The following NUDCD3 variants were observed in gnomAD, a reference collection of about 807,000 sequenced individuals.
The protein encoded by NUDCD3 is NudC domain containing 3.
NUDCD3 carries 13 observed loss-of-function variants against 39.7 expected under a neutral mutation model. The ratio of observed to expected loss-of-function variants is 0.33; its 90% confidence interval spans 0.21 to 0.52. The LOEUF (loss-of-function observed/expected upper bound fraction) is 0.52. Ranked by LOEUF, NUDCD3 falls within the 20% of genes least tolerant of loss-of-function variation. The pLI is 0.96. For missense variants in NUDCD3, 453 were observed against 458.1 expected (o/e 0.99, Z 0.10); for synonymous variants, 175 against 172.4 (o/e 1.02, Z -0.12).
chr7:44,429,218 A>G (rs1259804666), intron 2 of NUDCD3, among the ~76,000 whole-genome samples: 1 of 152,194 alleles, frequency 6.6e-6, no homozygotes, highest in Non-Finnish European at 1.5e-5. Flanking sequence ...TGGGTCCCCT[A>G]AAACGCTATG....
chr7:44,437,367 C>A (rs1002107509), intron 2 of NUDCD3, among the ~76,000 whole-genome samples: 1 of 152,188 alleles, frequency 6.6e-6, no homozygotes, highest in Admixed American at 6.5e-5. Context: ...CACACCTGGC[C>A]ATTACCATTC....
rs1800096889 is a variant in NUDCD3 at position 44,465,293 on chromosome 7, G to C, written c.509+19675C>G. Among the ~76,000 whole-genome samples the C allele has an allele frequency of 2.0e-5, 3 of 152,214 alleles. No individual in the cohort carries two copies. The South Asian group carries it at 6.2e-4, about 32-fold the overall frequency. ...AATTCCACCAGAAATGAGGCTGAGA[G>C]AATACAGACAGCCACAGCACAGTTC... is the stretch of plus-strand genomic sequence containing the variant. On this transcript the variant is annotated intron_variant, in intron 2 of 5. Transcript: ENST00000355451.
intron 4 of NUDCD3, among the ~76,000 whole-genome samples, chr7:44,396,127 T>TGTGTGTG (rs1563164537): frequency 1.6e-4 from 20 of 124,674 alleles, no homozygotes; most frequent in African/African-American, 6.6e-4. Flanking sequence ...GTGTGTGTGT[T>TGTGTGTG]TAATTACAGC....
At chr7:44,471,448 G>A (rs1388161166) in intron 2 of NUDCD3, among the ~76,000 whole-genome samples, 2 of 152,172 alleles carry the variant, frequency 1.3e-5, no homozygotes, top group South Asian at 2.1e-4. Context: ...AACTGTACAT[G>A]GTAACAACCA....
Position 44,383,739 on chromosome 7 carries a change from A to T in NUDCD3, c.*2272T>A, listed in dbSNP as rs1798347686. 1 of 152,252 alleles carries T rather than the reference A, an allele frequency of 6.6e-6. No individual in the cohort carries two copies. The highest frequency in any genetic ancestry group is 1.5e-5 in the Non-Finnish European group (1 of 68,064). 9.4% of individuals were successfully genotyped at this position (152,252 alleles called of 1,614,324 possible). A position where few individuals can be genotyped will look rare whatever the true frequency, so the allele number is the denominator to read the frequency against. ...AGCTGGTGGGACTTAGTGGCTGGCC[A>T]AACTGCGGCTGTTGTGTCTAAAAAG... On this transcript the variant is annotated 3_prime_UTR_variant, in exon 6 of 6. Coordinates refer to ENST00000355451, the MANE Select transcript of NUDCD3 (RefSeq NM_015332.4).
At chr7:44,401,919 TC>T (rs897372903) in intron 4 of NUDCD3, among the ~76,000 whole-genome samples, 3 of 151,986 alleles carry the variant, frequency 2.0e-5, no homozygotes, top group African/African-American at 7.3e-5. Flanking sequence ...AAGGCACAGC[TC>T]CCCCAACCTC....
At chr7:44,386,633 T>A (rs775786861) in intron 5 of NUDCD3, among the ~76,000 whole-genome samples, 2 of 152,082 alleles carry the variant, frequency 1.3e-5, no homozygotes, top group African/African-American at 4.8e-5. Flanking sequence ...CATCAGACAA[T>A]CCAGGGTTGA....
At chr7:44,444,027 T>A (rs979663509) in intron 2 of NUDCD3, among the ~76,000 whole-genome samples, 7 of 152,222 alleles carry the variant, frequency 4.6e-5, no homozygotes, top group Non-Finnish European at 7.3e-5. Flanking sequence ...ACTAATGCAT[T>A]TGGATACCTC....
chr7:44,490,472 C>T lies in NUDCD3; in HGVS notation c.129G>A (p.Leu43=). 1.2e-6 allele frequency: 2 copies of T among 1,605,074 alleles called. No individual in the cohort carries two copies. Among genetic ancestry groups the T allele is most frequent in the Non-Finnish European group, 1.7e-6 (2 of 1,176,326 alleles). ...FLYRKTDFYR[L]LRHPSDRMGF... ...CCATGCGGTCCGATGGGTGGCGCAG[C>T]AAGCGATAGAAGTCTGTCTTGCGGT... The change falls in exon 1 of 6, where the codon TTG becomes TTA. Residue 43 remains leucine (L), a synonymous_variant. Transcript: ENST00000355451.
intron 4 of NUDCD3, among the ~76,000 whole-genome samples, chr7:44,401,007 T>C (rs1798712503): frequency 6.6e-6 from 1 of 152,210 alleles, no homozygotes; most frequent in Admixed American, 6.5e-5. Context: ...GGGTACTTAA[T>C]GATAAGAAAC....
At chr7:44,460,956 T>G (rs937732390) in intron 2 of NUDCD3, among the ~76,000 whole-genome samples, 2 of 152,214 alleles carry the variant, frequency 1.3e-5, no homozygotes, top group Non-Finnish European at 2.9e-5. Context: ...TAAAAATGTA[T>G]TTGAACGGTG....
rs1200120023 is a variant in NUDCD3 at position 44,385,759 on chromosome 7, T to G, written c.*252A>C. The G allele has an allele frequency of 1.9e-5, 9 of 479,216 alleles. No homozygotes were observed. In the East Asian group the frequency reaches 2.4e-4, roughly 13 times the overall value. The allele number at this position is 479,216 out of a possible 1,614,324, so 29.7% of individuals were successfully genotyped here. A position where few individuals can be genotyped will look rare whatever the true frequency, so the allele number is the denominator to read the frequency against. On this transcript the variant is annotated 3_prime_UTR_variant, in exon 6 of 6. Coordinates refer to ENST00000355451, the MANE Select transcript of NUDCD3 (RefSeq NM_015332.4). ...CATGTGATCCCAATTTGCTGGGATA[T>G]CCTCTCCTGCATTTCAAACACCTTC...
intron 2 of NUDCD3, among the ~76,000 whole-genome samples, chr7:44,478,423 G>C (rs1800424029): frequency 6.6e-6 from 1 of 152,146 alleles, no homozygotes; most frequent in Non-Finnish European, 1.5e-5. Flanking sequence ...CATGGTGGCA[G>C]GCACCTGCAC....
At chr7:44,423,463 T>C (rs948199367) in intron 3 of NUDCD3, among the ~76,000 whole-genome samples, 2 of 152,252 alleles carry the variant, frequency 1.3e-5, no homozygotes, top group South Asian at 2.1e-4. Flanking sequence ...ACAAAATCAA[T>C]GTGCAAAAAT....
chr7:44,464,619 A>G (rs943268992), intron 2 of NUDCD3, among the ~76,000 whole-genome samples: 1 of 152,040 alleles, frequency 6.6e-6, no homozygotes, highest in Admixed American at 6.6e-5. Flanking sequence ...AAACCCAGCT[A>G]ATTTTTGTAT....
chr7:44,468,083 A>C (rs1357726421), intron 2 of NUDCD3: 1 of 1,611,744 alleles, frequency 6.2e-7, no homozygotes, highest in Non-Finnish European at 8.5e-7. Context: ...TTATGGGAGC[A>C]ACAAAAAAAC....
At position 44,382,141 on chromosome 7, in the gene NUDCD3, T is replaced by C. The variant is rs1450719421; in HGVS notation, c.*3870A>G. On this transcript the variant is annotated 3_prime_UTR_variant, in exon 6 of 6. Coordinates refer to ENST00000355451, the MANE Select transcript of NUDCD3 (RefSeq NM_015332.4). The stretch of plus-strand genomic sequence containing the variant: ...AGGAGCCCAGCGATGGGGGGGTTTC[T>C]TCCCTCCCTCTGAGGTAAGACCAAT... The C allele has an allele frequency of 6.6e-6, 1 of 152,124 alleles. No homozygotes were observed. The highest frequency in any genetic ancestry group is 2.4e-5 in the African/African-American group (1 of 41,418). The allele number at this position is 152,124 out of a possible 1,614,324, so 9.4% of individuals were successfully genotyped here.
intron 2 of NUDCD3, among the ~76,000 whole-genome samples, chr7:44,484,037 A>C (rs1305570945): frequency 6.6e-6 from 1 of 152,196 alleles, no homozygotes; most frequent in Non-Finnish European, 1.5e-5. Flanking sequence ...CACACACACA[A>C]TCTCCCCCAA....
At chr7:44,483,166 C>T (rs538110535) in intron 2 of NUDCD3, among the ~76,000 whole-genome samples, 70 of 152,052 alleles carry the variant, frequency 4.6e-4, no homozygotes, top group African/African-American at 1.7e-3. Context: ...AATCAAATTG[C>T]TCAAACTAAT....
Sources: allele counts gnomAD v4.1 joint callset (sites outside exome capture counted in the v4.1 genomes callset), GRCh38; gene constraint gnomAD v4.1.1; transcripts MANE v1.5; gene names NCBI Gene and HGNC (gene_info 2026-07-23, HGNC 2026-07-21).